Variants in PELI2 observed in about 807,000 individuals in gnomAD.
The protein encoded by PELI2 is pellino E3 ubiquitin protein ligase family member 2, also known as E3 ubiquitin-protein ligase pellino homolog 2.
In PELI2, 23 loss-of-function variants were observed where a neutral mutation model predicts 42.3. The observed-to-expected ratio is 0.54, with a 90% CI of 0.39 to 0.77. The LOEUF (loss-of-function observed/expected upper bound fraction) is 0.77, where lower values mean the gene tolerates loss of function less well. PELI2 is among the 30% of genes least tolerant of loss of function. PELI2 has a pLI of 0.00. For synonymous variants in PELI2, 245 were observed against 212.2 expected, an observed-to-expected ratio of 1.15 and a Z score of -1.34; for missense variants, 463 against 553.2, an observed-to-expected ratio of 0.84 and a Z score of 1.64.
intron 2 of PELI2, among the ~76,000 whole-genome samples, chr14:56,238,562 G>A (rs4603468): frequency 0.38 from 57,921 of 151,966 alleles, 12,354 homozygotes; most frequent in South Asian, 0.53. Context: ...TCATCCCTCC[G>A]TGCTCTTAAG....
At chr14:56,170,949 G>A (rs1885145107) in intron 1 of PELI2, among the ~76,000 whole-genome samples, 3 of 152,194 alleles carry the variant, frequency 2.0e-5, no homozygotes, top group Non-Finnish European at 2.9e-5. Flanking sequence ...AAACACCCCT[G>A]TTGCAGCAGC....
chr14:56,129,161 T>C (rs1273564743), intron 1 of PELI2, among the ~76,000 whole-genome samples: 1 of 152,158 alleles, frequency 6.6e-6, no homozygotes, highest in Admixed American at 6.5e-5. Flanking sequence ...TTCAAGGCAT[T>C]ATTGCAGACT....
intron 2 of PELI2, among the ~76,000 whole-genome samples, chr14:56,225,778 G>A (rs959636035): frequency 1.3e-5 from 2 of 152,194 alleles, no homozygotes; most frequent in Non-Finnish European, 2.9e-5. Flanking sequence ...CTCTGACTAG[G>A]GGCAGCCCCA....
At chr14:56,242,043 C>G (rs1185332433) in intron 2 of PELI2, among the ~76,000 whole-genome samples, 1 of 152,174 alleles carries the variant, frequency 6.6e-6, no homozygotes, top group African/African-American at 2.4e-5. Context: ...AATGGCCTAG[C>G]AATCAGCTTC....
At chr14:56,201,622 C>T (rs1333775066) in intron 2 of PELI2, among the ~76,000 whole-genome samples, 1 of 152,196 alleles carries the variant, frequency 6.6e-6, no homozygotes, top group Non-Finnish European at 1.5e-5. Context: ...GAAACCATTT[C>T]ATTCTCATAG....
chr14:56,269,718 C>G lies in PELI2; in HGVS notation c.208-9958C>G, dbSNP rs575400201. Among the ~76,000 whole-genome samples the G allele has an allele frequency of 2.0e-5, 3 of 152,206 alleles. 1 individual carries two copies. Among genetic ancestry groups the G allele is most frequent in the South Asian group, 4.1e-4 (2 of 4,822 alleles). ...GCCCGTGTTGGATTGGAGATTCAGC[C>G]CAATCTGTACTATTAGCGAAACAGT... On this transcript the variant is annotated intron_variant, in intron 2 of 5. Coordinates refer to ENST00000267460, the MANE Select transcript of PELI2 (RefSeq NM_021255.3).
intron 1 of PELI2, among the ~76,000 whole-genome samples, chr14:56,143,303 C>T (rs1207561201): frequency 6.6e-6 from 1 of 152,222 alleles, no homozygotes. Flanking sequence ...CAGCAGGATA[C>T]ACTGCATACA....
At chr14:56,136,006 A>G (rs932595448) in intron 1 of PELI2, among the ~76,000 whole-genome samples, 3 of 152,200 alleles carry the variant, frequency 2.0e-5, no homozygotes, top group African/African-American at 7.2e-5. Context: ...ATCTTTCTGA[A>G]CATTAGTGAT....
At position 56,254,180 on chromosome 14, in the gene PELI2, C is replaced by T. The variant is rs182109422; in HGVS notation, c.208-25496C>T. Among the ~76,000 whole-genome samples, 433 of 152,306 alleles carry T rather than the reference C, an allele frequency of 2.8e-3. 4 individuals carry two copies. The highest frequency in any genetic ancestry group is 5.5e-3 in the Admixed American group (84 of 15,302). ...CTTTAGGAGGCCAAGGCAGGCAGATCACGAGGTCAAGAGATCAAGACCATC... is the reference window on the plus strand; with the variant it reads ...CTTTAGGAGGCCAAGGCAGGCAGATTACGAGGTCAAGAGATCAAGACCATC... On this transcript the variant is annotated intron_variant, in intron 2 of 5. Coordinates refer to ENST00000267460, the MANE Select transcript of PELI2 (RefSeq NM_021255.3).
intron 2 of PELI2, among the ~76,000 whole-genome samples, chr14:56,225,477 T>C (rs1887313924): frequency 6.6e-6 from 1 of 152,176 alleles, no homozygotes; most frequent in Non-Finnish European, 1.5e-5. Context: ...AAGTCCCTCC[T>C]GGAGCTCCCA....
intron 2 of PELI2, among the ~76,000 whole-genome samples, chr14:56,230,786 A>C (rs974732365): frequency 6.6e-6 from 1 of 152,242 alleles, no homozygotes; most frequent in Non-Finnish European, 1.5e-5. Context: ...AAATGTTCCA[A>C]TTAAAAGACA....
At chr14:56,194,822 T>A (rs1290729890) in intron 2 of PELI2, among the ~76,000 whole-genome samples, 1 of 152,162 alleles carries the variant, frequency 6.6e-6, no homozygotes, top group African/African-American at 2.4e-5. Context: ...CAGTGCCCAT[T>A]CCTCTGCCTC....
rs146339653 is a variant in PELI2 at position 56,133,794 on chromosome 14, T to C, written c.77+15057T>C. ...TAGTGAGCTTTCTGTGCCCTGTAAA[T>C]GTCCCCTCCTTCAAGCACCACGACA... On this transcript the variant is annotated intron_variant, in intron 1 of 5. Coordinates refer to ENST00000267460, the MANE Select transcript of PELI2 (RefSeq NM_021255.3). Among the ~76,000 whole-genome samples the C allele has an allele frequency of 9.4e-4, 143 of 152,238 alleles. No homozygotes were observed. The East Asian group carries it at 0.023, about 25-fold the overall frequency.
At chr14:56,205,672 A>G (rs1220276908) in intron 2 of PELI2, among the ~76,000 whole-genome samples, 1 of 152,200 alleles carries the variant, frequency 6.6e-6, no homozygotes, top group Non-Finnish European at 1.5e-5. Flanking sequence ...TTGCTGTCAG[A>G]TAGTGTTTAT....
Position 56,288,509 on chromosome 14 carries a change from G to A in PELI2, c.382G>A (p.Glu128Lys), listed in dbSNP as rs772176782. The change falls in exon 4 of 6, where the codon GAA becomes AAA. Residue 128 changes from glutamate to lysine, a missense_variant. By Grantham distance (56) the Glu-to-Lys change is moderately conservative (BLOSUM62 1). Around this residue, in one of 3 missense-constraint regions of PELI2, gnomAD observed 343 missense variants for 378.4 expected, o/e 0.91. Transcript: ENST00000267460. The surrounding 1 kb of genome is among the most constrained non-coding windows in gnomAD (Gnocchi z 4.6). ...DTISGSQNTDEAQITQSTISR... is the reference protein window; with the variant it reads ...DTISGSQNTDKAQITQSTISR... ...GATTTCTGGCAGCCAGAACACGGAC[G>A]AAGCCCAGATCACACAGAGCACCAT... The A allele has an allele frequency of 1.9e-6, 3 of 1,614,034 alleles. No homozygotes were observed. Among genetic ancestry groups the A allele is most frequent in the African/African-American group, 1.3e-5 (1 of 75,012 alleles).
At chr14:56,120,450 G>A (rs912193719) in intron 1 of PELI2, among the ~76,000 whole-genome samples, 3 of 152,206 alleles carry the variant, frequency 2.0e-5, no homozygotes, top group African/African-American at 7.2e-5. Context: ...GCCACGGAAA[G>A]GATTGAAACC....
chr14:56,210,789 A>T (rs144807595), intron 2 of PELI2, among the ~76,000 whole-genome samples: 109 of 152,332 alleles, frequency 7.2e-4, no homozygotes, highest in African/African-American at 2.0e-3. Flanking sequence ...GTCAGCCTTC[A>T]GTCTGGGTCC....
At chr14:56,202,960 A>G (rs1299188681) in intron 2 of PELI2, among the ~76,000 whole-genome samples, 1 of 152,090 alleles carries the variant, frequency 6.6e-6, no homozygotes, top group Non-Finnish European at 1.5e-5. Flanking sequence ...GAACAACCAA[A>G]TGCAGTGTGT....
chr14:56,271,594 A>AAC (rs1369299367), intron 2 of PELI2, among the ~76,000 whole-genome samples: 1 of 152,228 alleles, frequency 6.6e-6, no homozygotes, highest in Non-Finnish European at 1.5e-5. Context: ...ACTTGCCTAA[A>AAC]ACACACATCA....
Sources: gnomAD v4.1 joint callset for allele counts (sites outside exome capture counted in the v4.1 genomes callset) on GRCh38, gnomAD v4.1.1 for gene constraint, gnomAD v4.1.1 regional missense constraint, Gnocchi (gnomAD v3.1) non-coding constraint, MANE v1.5 for transcripts, NCBI Gene and HGNC (gene_info 2026-07-23, HGNC 2026-07-21) for gene names.